Variants in PKHD1L1 observed in about 807,000 individuals in gnomAD.
PKHD1L1 encodes fibrocystin-L.
Under a neutral mutation model 462.9 loss-of-function variants are expected in PKHD1L1, and 434 were observed. That is an observed-to-expected ratio of 0.94 (90% CI 0.87 to 1.02). The LOEUF (loss-of-function observed/expected upper bound fraction) is 1.02. Ranked by LOEUF, PKHD1L1 falls within the 50% of genes least tolerant of loss-of-function variation. PKHD1L1 has a pLI of 0.00. For synonymous variants in PKHD1L1, 1,781 were observed against 1,750.0 expected (o/e 1.02, Z -0.44); for missense variants, 5,202 against 5,096.1 (o/e 1.02, Z -0.63).
chr8:109,428,718 A>T (rs181344183), intron 25 of PKHD1L1, among the ~76,000 whole-genome samples: 15 of 152,248 alleles, frequency 9.9e-5, no homozygotes, highest in Admixed American at 5.9e-4. Context: ...TCTGTTCCAT[A>T]TCATTTGGCT....
chr8:109,374,233 T>C (rs1170592929), intron 2 of PKHD1L1, among the ~76,000 whole-genome samples: 1 of 152,252 alleles, frequency 6.6e-6, no homozygotes, highest in East Asian at 1.9e-4. Flanking sequence ...TCTTGTTGAA[T>C]TGATCCCTTT....
At chr8:109,456,210 A>T in intron 45 of PKHD1L1, 52 bp from the exon 46 acceptor site, 1 of 1,534,140 alleles carries the variant, frequency 6.5e-7, no homozygotes, top group Non-Finnish European at 8.8e-7. Flanking sequence ...AAAGTTCTCA[A>T]TAACAAATCA....
intron 4 of PKHD1L1, among the ~76,000 whole-genome samples, chr8:109,382,891 A>G (rs1250158137): frequency 6.6e-6 from 1 of 150,380 alleles, no homozygotes; most frequent in East Asian, 1.9e-4. Context: ...TAATCGAAGT[A>G]ACTACCTTTC....
Position 109,497,179 on chromosome 8 carries a change from G to A in PKHD1L1, c.10506G>A (p.Val3502=). 1.2e-6 allele frequency: 2 copies of A among 1,613,610 alleles called. No homozygotes were observed. The highest frequency in any genetic ancestry group is 1.7e-6 in the Non-Finnish European group (2 of 1,179,776). The change falls in exon 65 of 78, where the codon GTG becomes GTA. Residue 3502 remains valine (V), a synonymous_variant. Transcript: ENST00000378402. ...CAGAGAGTGTGCACATTTATAATGTGACCCTGGTTGACAATGGAATGGCCA... is the reference window on the plus strand; with the variant it reads ...CAGAGAGTGTGCACATTTATAATGTAACCCTGGTTGACAATGGAATGGCCA... The part of the protein sequence containing the change: ...QTTESVHIYN[V]TLVDNGMAIF...
Position 109,461,921 on chromosome 8 carries a change from A to G in PKHD1L1, c.7383+13A>G. The stretch of plus-strand genomic sequence containing the variant: ...AGAATATGTAGAGGTGAGAGGCATT[A>G]TTACTAAATCACAGTGGTTTGCTCA... On this transcript the variant is annotated intron_variant, in intron 48 of 77. Transcript: ENST00000378402. 6.3e-7 allele frequency: 1 copy of G among 1,589,476 alleles called. No individual in the cohort carries two copies. Among genetic ancestry groups the G allele is most frequent in the Non-Finnish European group, 8.6e-7 (1 of 1,166,848 alleles).
chr8:109,507,579 TGG>T, intron 68 of PKHD1L1, 82 bp from the exon 69 acceptor site: 1 of 1,155,068 alleles, frequency 8.7e-7, no homozygotes, highest in South Asian at 1.5e-5. Context: ...TCAATTTTTT[TGG>T]ATATCCTCTA....
intron 2 of PKHD1L1, among the ~76,000 whole-genome samples, chr8:109,375,941 AG>A (rs980998421): frequency 2.0e-5 from 3 of 152,314 alleles, no homozygotes; most frequent in South Asian, 2.1e-4. Context: ...TAGGCTACTC[AG>A]GGGTCATGGA....
At chr8:109,414,388 T>C (rs766593445) in intron 21 of PKHD1L1, among the ~76,000 whole-genome samples, 25 of 152,190 alleles carry the variant, frequency 1.6e-4, no homozygotes, top group Non-Finnish European at 2.9e-4. Context: ...GCTGAAGACA[T>C]AGAACATTTT....
intron 9 of PKHD1L1, among the ~76,000 whole-genome samples, chr8:109,393,538 T>C (rs1409563263): frequency 6.6e-6 from 1 of 152,224 alleles, no homozygotes; most frequent in Non-Finnish European, 1.5e-5. Context: ...GCTAATTTGC[T>C]GTCATCCATT....
At chr8:109,488,977 T>C (rs553868851) in intron 59 of PKHD1L1, among the ~76,000 whole-genome samples, 32 of 152,116 alleles carry the variant, frequency 2.1e-4, no homozygotes, top group African/African-American at 7.0e-4. Flanking sequence ...ATGAACCCTA[T>C]TCCTATGACA....
rs1816740054 is a variant in PKHD1L1 at position 109,454,975 on chromosome 8, G to A, written c.6874+123G>A. ...AGTGAAAGTGTGTTAGGCTTCTCAT[G>A]TCTTTAGATATCCCCTCTTTACCCC... On this transcript the variant is annotated intron_variant, in intron 45 of 77. Coordinates refer to ENST00000378402, the MANE Select transcript of PKHD1L1 (RefSeq NM_177531.6). 4.0e-6 allele frequency: 5 copies of A among 1,255,386 alleles called. No homozygotes were observed. The South Asian group carries it at 5.7e-5, about 14-fold the overall frequency. The allele number at this position is 1,255,386 out of a possible 1,614,324, so 77.8% of individuals were successfully genotyped here.
chr8:109,447,521 A>T (rs1197286540), intron 38 of PKHD1L1, among the ~76,000 whole-genome samples: 2 of 152,218 alleles, frequency 1.3e-5, no homozygotes, highest in African/African-American at 4.8e-5. Context: ...TTGTCAAAAG[A>T]GGGAAGCAAG....
chr8:109,455,000 C>T (rs1430928678), intron 45 of PKHD1L1, 148 bp downstream of exon 45: 2 of 1,138,392 alleles, frequency 1.8e-6, no homozygotes, highest in African/African-American at 1.6e-5. Flanking sequence ...CTCTTTACCC[C>T]TTCCTTCTTT....
intron 2 of PKHD1L1, among the ~76,000 whole-genome samples, chr8:109,379,835 A>C (rs1001368267): frequency 5.3e-5 from 8 of 152,184 alleles, no homozygotes; most frequent in African/African-American, 1.9e-4. Flanking sequence ...ATATGACTAG[A>C]GATAATCAGT....
chr8:109,475,321 C>A, intron 51 of PKHD1L1, 52 bp downstream of exon 51: 1 of 1,349,736 alleles, frequency 7.4e-7, no homozygotes, highest in Non-Finnish European at 1.0e-6. Flanking sequence ...CCAAACACAG[C>A]CTACATCCTC....
chr8:109,478,269 T>G (rs1818098514), intron 53 of PKHD1L1, among the ~76,000 whole-genome samples: 1 of 152,134 alleles, frequency 6.6e-6, no homozygotes, highest in Non-Finnish European at 1.5e-5. Context: ...TAAAAAAAAT[T>G]TACTGAGTAT....
At chr8:109,450,539 C>T (rs966747180) in intron 40 of PKHD1L1, among the ~76,000 whole-genome samples, 4 of 152,172 alleles carry the variant, frequency 2.6e-5, no homozygotes, top group Admixed American at 1.3e-4. Flanking sequence ...TGTCTTAACA[C>T]TGGCTCTGCA....
chr8:109,498,964 T>G (rs1276230035), intron 67 of PKHD1L1, 193 bp downstream of exon 67: 9 of 546,912 alleles, frequency 1.6e-5, no homozygotes, highest in Non-Finnish European at 2.8e-5. Context: ...TTATACTGTA[T>G]GTTGAAGAAT....
intron 27 of PKHD1L1, among the ~76,000 whole-genome samples, chr8:109,432,499 G>A (rs183873121): frequency 6.6e-6 from 1 of 152,082 alleles, no homozygotes; most frequent in East Asian, 1.9e-4. Flanking sequence ...ATTTGTTATA[G>A]TTAGATATGT....
Sources: gnomAD v4.1 joint callset for allele counts (sites outside exome capture counted in the v4.1 genomes callset) on GRCh38, gnomAD v4.1.1 for gene constraint, MANE v1.5 for transcripts, NCBI Gene and HGNC (gene_info 2026-07-23, HGNC 2026-07-21) for gene names.